SH3TC1: variants seen among roughly 807,000 people sequenced by gnomAD.
The protein encoded by SH3TC1 is SH3 domain and tetratricopeptide repeats 1.
SH3TC1 carries 135 observed loss-of-function variants against 117.3 expected under a neutral mutation model. That is an observed-to-expected ratio of 1.15 (90% CI 1.00 to 1.33). The LOEUF (loss-of-function observed/expected upper bound fraction) is 1.33, where lower values mean the gene tolerates loss of function less well. Ranked by LOEUF, SH3TC1 falls within the 40% of genes most tolerant of loss-of-function variation. SH3TC1 has a pLI of 0.00. For missense variants in SH3TC1, 2,092 were observed against 1,794.3 expected, an observed-to-expected ratio of 1.17 and a Z score of -3.00; for synonymous variants, 898 against 816.9, an observed-to-expected ratio of 1.10 and a Z score of -1.69.
chr4:8,187,691 A>G (rs1252080332), intron 1 of SH3TC1, among the ~76,000 whole-genome samples: 3 of 151,756 alleles, frequency 2.0e-5, no homozygotes, highest in Non-Finnish European at 4.4e-5. Flanking sequence ...AGCTGGGATT[A>G]CAGGCACGTG....
chr4:8,199,336 A>G lies in SH3TC1; in HGVS notation c.-98A>G, dbSNP rs1717679205. 1 of 152,274 alleles carries G rather than the reference A, an allele frequency of 6.6e-6. No homozygotes were observed. The highest frequency in any genetic ancestry group is 6.5e-5 in the Admixed American group (1 of 15,286). 9.4% of individuals were successfully genotyped at this position (152,274 alleles called of 1,614,324 possible). Reference sequence around the variant, plus strand: ...TGGGGCCAGCCAGCGCTGGGCCAGGAGCGGCCACCTGGTTCCTGCGTGCTA... The same window carrying G: ...TGGGGCCAGCCAGCGCTGGGCCAGGGGCGGCCACCTGGTTCCTGCGTGCTA... On this transcript the variant is annotated 5_prime_UTR_variant, in exon 1 of 18. Transcript: ENST00000245105.
chr4:8,228,014 G>T lies in SH3TC1; in HGVS notation c.2320G>T (p.Ala774Ser), dbSNP rs142010655. 2.8e-4 allele frequency: 453 copies of T among 1,611,658 alleles called. 1 individual carries two copies. The African/African-American group carries it at 5.3e-3, about 19-fold the overall frequency. The change falls in exon 12 of 18, where the codon GCC becomes TCC. Residue 774 changes from alanine (A) to serine (S), a missense_variant. Ala to Ser is a moderately conservative substitution (Grantham distance 99). Coordinates refer to ENST00000245105, the MANE Select transcript of SH3TC1 (RefSeq NM_018986.5). Reference sequence around the variant, plus strand: ...TTCCCACTACCTCAGGCAAGCGCTGGCCTCCCTGACCCCGGGCACAGGCCA... The same window carrying T: ...TTCCCACTACCTCAGGCAAGCGCTGTCCTCCCTGACCCCGGGCACAGGCCA... Reference protein sequence around the residue: ...QTSHYLRQALASLTPGTGQAL... With the variant: ...QTSHYLRQALSSLTPGTGQAL...
At chr4:8,228,970 G>C (rs995451877) in intron 12 of SH3TC1, among the ~76,000 whole-genome samples, 3 of 152,218 alleles carry the variant, frequency 2.0e-5, no homozygotes, top group African/African-American at 4.8e-5. Flanking sequence ...AGCGAGGCAG[G>C]CTCCGCTGAG....
chr4:8,210,133 A>G lies in SH3TC1; in HGVS notation c.247+311A>G, dbSNP rs1718533090. ...TCACAGGTGCCATATGGTAAGAGGT[A>G]GACGAAAGTACCCACTGCGTCGTGG... On this transcript the variant is annotated intron_variant, in intron 3 of 17. Coordinates refer to ENST00000245105, the MANE Select transcript of SH3TC1 (RefSeq NM_018986.5). This position sits in a 1 kb window ranked among gnomAD's most constrained non-coding sequence, Gnocchi z 4.1. Among the ~76,000 whole-genome samples, 1 of 152,164 alleles carries G rather than the reference A, an allele frequency of 6.6e-6. No homozygotes were observed. The highest frequency in any genetic ancestry group is 2.1e-4 in the South Asian group (1 of 4,828).
chr4:8,239,109 T>C (rs1206639686), intron 17 of SH3TC1, among the ~76,000 whole-genome samples: 1 of 152,176 alleles, frequency 6.6e-6, no homozygotes, highest in Non-Finnish European at 1.5e-5. Flanking sequence ...GCCTCTAAAA[T>C]GGGGTCCCCT....
chr4:8,202,513 T>C (rs1041839716), intron 1 of SH3TC1, among the ~76,000 whole-genome samples: 1 of 152,192 alleles, frequency 6.6e-6, no homozygotes, highest in African/African-American at 2.4e-5. Context: ...TGATTCACCA[T>C]TCCCGGCCCC....
intron 12 of SH3TC1, among the ~76,000 whole-genome samples, chr4:8,230,507 A>T (rs1433794308): frequency 2.0e-5 from 3 of 152,022 alleles, no homozygotes; most frequent in Non-Finnish European, 4.4e-5. Context: ...CAATTTTGTT[A>T]ATATTTTTGA....
Position 8,227,650 on chromosome 4 carries a change from G to A in SH3TC1, c.1956G>A (p.Leu652=). The A allele has an allele frequency of 1.3e-6, 2 of 1,527,112 alleles. No homozygotes were observed. Among genetic ancestry groups the A allele is most frequent in the Non-Finnish European group, 1.8e-6 (2 of 1,139,692 alleles). The allele number at this position is 1,527,112 out of a possible 1,614,324, so 94.6% of individuals were successfully genotyped here. Residue 652 remains leucine (L), a synonymous_variant, in exon 12 of 18, where the codon CTG becomes CTA. Transcript: ENST00000245105. ...EAEGELLQLA[L]RRAVGGQSLQ... ...AGGGGGAGCTCCTGCAGCTGGCGCT[G>A]CGGCGGGCGGTGGGTGGCCAGAGCC...
chr4:8,212,603 C>G, intron 3 of SH3TC1, 98 bp from the exon 4 acceptor site: 2 of 1,540,004 alleles, frequency 1.3e-6, no homozygotes, highest in Non-Finnish European at 1.8e-6. Context: ...CCTTCGGGGT[C>G]AGGTGTGTGG....
At chr4:8,193,641 C>T (rs1309256778) in intron 1 of SH3TC1, among the ~76,000 whole-genome samples, 2 of 152,232 alleles carry the variant, frequency 1.3e-5, no homozygotes, top group Non-Finnish European at 2.9e-5. Flanking sequence ...CTCCACTTGT[C>T]TGTAAGCTCC....
intron 10 of SH3TC1, among the ~76,000 whole-genome samples, chr4:8,223,948 T>C (rs1720192599): frequency 6.6e-6 from 1 of 152,174 alleles, no homozygotes; most frequent in Admixed American, 6.5e-5. Context: ...ACACACCTAC[T>C]TGTATACCTA....
intron 1 of SH3TC1, among the ~76,000 whole-genome samples, chr4:8,188,231 C>T (rs1047434768): frequency 2.6e-5 from 4 of 152,182 alleles, no homozygotes; most frequent in Admixed American, 6.5e-5. Context: ...CTGCTCTGGC[C>T]GAGCTGTCCC....
At chr4:8,228,731 G>T in intron 12 of SH3TC1, 87 bp downstream of exon 12, 4 of 1,135,038 alleles carry the variant, frequency 3.5e-6, no homozygotes, top group African/African-American at 1.6e-5. Flanking sequence ...ACAAGCGGTG[G>T]TTTTTCCACC....
intron 1 of SH3TC1, among the ~76,000 whole-genome samples, chr4:8,200,215 T>G (rs1164873743): frequency 6.6e-6 from 1 of 152,190 alleles, no homozygotes; most frequent in African/African-American, 2.4e-5. Context: ...GGCCGGCCAC[T>G]CAGGGTGTGG....
At chr4:8,187,839 C>T (rs137856693) in intron 1 of SH3TC1, among the ~76,000 whole-genome samples, 240 of 152,280 alleles carry the variant, frequency 1.6e-3, no homozygotes, top group African/African-American at 5.5e-3. Flanking sequence ...CGTGAGCCAC[C>T]GCATCCGGCC....
intron 9 of SH3TC1, among the ~76,000 whole-genome samples, chr4:8,220,305 C>A (rs964026192): frequency 1.4e-4 from 21 of 152,134 alleles, no homozygotes; most frequent in African/African-American, 4.1e-4. Flanking sequence ...CTGGGTGACA[C>A]GTGTGTCCTT....
chr4:8,236,237 G>A, intron 15 of SH3TC1, 41 bp from the exon 16 acceptor site: 1 of 1,512,886 alleles, frequency 6.6e-7, no homozygotes, highest in Non-Finnish European at 8.9e-7. Flanking sequence ...TGGGCAAGGT[G>A]GGTGCTGCGG....
In SH3TC1 at chr4:8,217,108, C is replaced by T. The variant is rs771953645; in HGVS notation, c.780C>T (p.Ser260=). The change falls in exon 7 of 18, where the codon AGC becomes AGT. Residue 260 remains serine, a synonymous_variant. Transcript: ENST00000245105. ...PETDSSPPSP[S]VSSEEVAVAA... Reference sequence around the variant, plus strand: ...CAGACTCTTCACCGCCGAGCCCCAGCGTGTCCTCCGAGGAGGTGGCAGTGG... The same window carrying T: ...CAGACTCTTCACCGCCGAGCCCCAGTGTGTCCTCCGAGGAGGTGGCAGTGG... 17 of 1,613,528 alleles carry T rather than the reference C, an allele frequency of 1.1e-5. No homozygotes were observed. The highest frequency in any genetic ancestry group is 1.6e-4 in the Middle Eastern group (1 of 6,082).
At chr4:8,218,167 C>A in intron 7 of SH3TC1, 104 bp from the exon 8 acceptor site, 1 of 711,004 alleles carries the variant, frequency 1.4e-6, no homozygotes, top group Non-Finnish European at 2.4e-6. Context: ...GGCGAGGGAC[C>A]TGCTCAGGTT....
Sources: allele counts gnomAD v4.1 joint callset (sites outside exome capture counted in the v4.1 genomes callset), GRCh38; gene constraint gnomAD v4.1.1; non-coding constraint Gnocchi (gnomAD v3.1); transcripts MANE v1.5; gene names NCBI Gene and HGNC (gene_info 2026-07-23, HGNC 2026-07-21).